The following EEF2K variants were observed in gnomAD, a reference collection of about 807,000 sequenced individuals.
EEF2K encodes the protein alternative protein EEF2K.
Under a neutral mutation model 93.8 loss-of-function variants are expected in EEF2K, and 70 were observed. The observed-to-expected ratio is 0.75, with a 90% CI of 0.62 to 0.91. The LOEUF (loss-of-function observed/expected upper bound fraction) is 0.91, where lower values mean the gene tolerates loss of function less well. Ranked by LOEUF, EEF2K falls within the 40% of genes least tolerant of loss-of-function variation. The pLI is 0.00. For missense variants in EEF2K, 935 were observed against 972.9 expected (o/e 0.96, Z 0.52); for synonymous variants, 376 against 380.8 (o/e 0.99, Z 0.15).
intron 6 of EEF2K, among the ~76,000 whole-genome samples, chr16:22,251,782 C>G (rs976917646): frequency 5.3e-5 from 8 of 151,704 alleles, no homozygotes; most frequent in Middle Eastern, 3.4e-3. Flanking sequence ...CATGATGAAC[C>G]AAGTCATTTA....
chr16:22,282,273 G>A (rs2047700880), intron 17 of EEF2K, among the ~76,000 whole-genome samples: 1 of 152,176 alleles, frequency 6.6e-6, no homozygotes, highest in African/African-American at 2.4e-5. Flanking sequence ...GGCCAGTTTG[G>A]TTTCTGGCTT....
intron 1 of EEF2K, among the ~76,000 whole-genome samples, chr16:22,208,738 T>TAAA (rs34094244): frequency 4.1e-4 from 61 of 147,538 alleles, no homozygotes; most frequent in African/African-American, 1.3e-3. Context: ...GGTCTCTATT[T>TAAA]AAAAAAAAAA....
chr16:22,250,020 G>A (rs1373668293), intron 4 of EEF2K, among the ~76,000 whole-genome samples: 2 of 151,866 alleles, frequency 1.3e-5, no homozygotes, highest in Admixed American at 6.6e-5. Context: ...GACCTCAGGT[G>A]ATCCACCCAC....
chr16:22,276,730 G>A (rs1388213377), intron 16 of EEF2K, among the ~76,000 whole-genome samples: 1 of 152,158 alleles, frequency 6.6e-6, no homozygotes, highest in Non-Finnish European at 1.5e-5. Flanking sequence ...AGAGCAGAAA[G>A]GAGATAAACA....
intron 2 of EEF2K, among the ~76,000 whole-genome samples, chr16:22,238,610 C>T (rs1046558759): frequency 6.9e-6 from 1 of 143,946 alleles, no homozygotes; most frequent in African/African-American, 2.6e-5. Flanking sequence ...CCCACCACTG[C>T]ACTTCAGCCT....
chr16:22,268,534 G>A (rs903676831), intron 15 of EEF2K, among the ~76,000 whole-genome samples: 2 of 152,028 alleles, frequency 1.3e-5, no homozygotes, highest in Admixed American at 6.6e-5. Flanking sequence ...TGGCATGACT[G>A]TAGCTCACTG....
At chr16:22,263,532 C>T in intron 12 of EEF2K, among the ~76,000 whole-genome samples, 1 of 152,180 alleles carries the variant, frequency 6.6e-6, no homozygotes, top group Admixed American at 6.5e-5. Flanking sequence ...TCACTTTAAC[C>T]CAGAAGACAG....
chr16:22,224,760 T>C (rs150354639), intron 1 of EEF2K, among the ~76,000 whole-genome samples: 137 of 152,216 alleles, frequency 9.0e-4, no homozygotes, highest in African/African-American at 3.2e-3. Context: ...CAAGACCAGC[T>C]TAGCCAACAT....
intron 2 of EEF2K, among the ~76,000 whole-genome samples, chr16:22,227,063 G>A (rs2047072274): frequency 6.6e-6 from 1 of 152,118 alleles, no homozygotes; most frequent in South Asian, 2.1e-4. Flanking sequence ...GCCGGGTGTG[G>A]TGGCGCACAC....
At chr16:22,244,760 T>TC in intron 3 of EEF2K, 30 bp downstream of exon 3, 2 of 1,609,600 alleles carry the variant, frequency 1.2e-6, no homozygotes, top group Non-Finnish European at 1.7e-6. Context: ...TCTCGAGGAG[T>TC]CCTGGGGGCT....
chr16:22,239,639 TG>T (rs540828479), intron 2 of EEF2K, among the ~76,000 whole-genome samples: 240 of 152,130 alleles, frequency 1.6e-3, no homozygotes, highest in African/African-American at 5.5e-3. Context: ...ACCGAGATCC[TG>T]TCTGTACAGA....
chr16:22,247,179 G>A (rs748683624), intron 3 of EEF2K, among the ~76,000 whole-genome samples: 2 of 150,552 alleles, frequency 1.3e-5, no homozygotes, highest in African/African-American at 2.4e-5. Flanking sequence ...AGTGGCTAAC[G>A]CCTGTAATCC....
intron 4 of EEF2K, among the ~76,000 whole-genome samples, chr16:22,249,784 A>C (rs1028917706): frequency 6.9e-6 from 1 of 143,916 alleles, no homozygotes; most frequent in Admixed American, 6.9e-5. Context: ...ATTTTTAAAA[A>C]TTTTTTTTTT....
chr16:22,254,208 C>T (rs1008492235), intron 6 of EEF2K, among the ~76,000 whole-genome samples: 4 of 152,084 alleles, frequency 2.6e-5, no homozygotes, highest in Non-Finnish European at 4.4e-5. Flanking sequence ...GCTGGTTGTC[C>T]ACTGTGGCTG....
At chr16:22,217,896 G>A (rs940506683) in intron 1 of EEF2K, among the ~76,000 whole-genome samples, 5 of 152,116 alleles carry the variant, frequency 3.3e-5, no homozygotes, top group South Asian at 4.1e-4. Context: ...GTTTGGTTTC[G>A]GGAACATCTG....
intron 2 of EEF2K, among the ~76,000 whole-genome samples, chr16:22,236,948 T>C (rs1169961070): frequency 4.2e-4 from 53 of 126,244 alleles, no homozygotes; most frequent in African/African-American, 1.5e-3. Context: ...TTTTTTTTTT[T>C]TTTTTTTTTT....
rs1336546010 is a variant in EEF2K, at chr16:22,273,748, C to T, written c.1887C>T (p.Asp629=). 1.2e-6 allele frequency: 2 copies of T among 1,612,904 alleles called. No individual in the cohort carries two copies. The highest frequency in any genetic ancestry group is 1.3e-5 in the African/African-American group (1 of 74,878). The part of the protein sequence containing the change: ...AFDSGQNLSP[D]RCQDWLEALH... ...ACTCTGGCCAGAACCTCAGCCCGGA[C>T]AGGTACTGCAGCTGTCACCCAGGAG... Residue 629 remains aspartate (D), a splice_region_variant and synonymous_variant, in exon 16 of 18, where the codon GAC becomes GAT. Coordinates refer to ENST00000263026, the MANE Select transcript of EEF2K (RefSeq NM_013302.5).
intron 2 of EEF2K, among the ~76,000 whole-genome samples, chr16:22,227,057 G>T (rs2047072166): frequency 6.6e-6 from 1 of 152,024 alleles, no homozygotes; most frequent in Non-Finnish European, 1.5e-5. Context: ...AAATTAGCCG[G>T]GTGTGGTGGC....
At chr16:22,207,561 C>T (rs1474805944) in intron 1 of EEF2K, among the ~76,000 whole-genome samples, 1 of 151,914 alleles carries the variant, frequency 6.6e-6, no homozygotes. Context: ...ATGTCAGGTG[C>T]TTGGAACAGT....
Sources: allele counts gnomAD v4.1 joint callset (sites outside exome capture counted in the v4.1 genomes callset), GRCh38; gene constraint gnomAD v4.1.1; transcripts MANE v1.5; gene names NCBI Gene and HGNC (gene_info 2026-07-23, HGNC 2026-07-21).